TACC2: variants seen among roughly 807,000 people sequenced by gnomAD.
TACC2 encodes transforming acidic coiled-coil containing protein 2.
A neutral mutation model predicts 227.3 loss-of-function variants in TACC2; 137 were observed. The ratio of observed to expected loss-of-function variants is 0.60; its 90% CI spans 0.52 to 0.69. The LOEUF (loss-of-function observed/expected upper bound fraction) is 0.69, where lower values mean the gene tolerates loss of function less well. Among genes scored for constraint, TACC2 ranks in the 30% least tolerant of loss-of-function variants. The probability of loss-of-function intolerance (pLI) is 0.00; values close to 1 mark genes in which losing one functional copy is unlikely to be tolerated. For synonymous variants in TACC2, 1,523 were observed against 1,487.5 expected (o/e 1.02, Z -0.55); for missense variants, 3,470 against 3,694.4 (o/e 0.94, Z 1.57).
At position 122,022,017 on chromosome 10, in the gene TACC2, G is replaced by C. The variant is rs775273221; in HGVS notation, c.33+3G>C. On this transcript the variant is annotated splice_donor_region_variant and intron_variant, in intron 2 of 22. Coordinates refer to ENST00000369005, the MANE Select transcript of TACC2 (RefSeq NM_206862.4). ...AGAACAGCACCTCGGACAACCAGGT[G>C]GGTGTCAGGAAGCTTCTCTCTCGAG... 5.0e-6 allele frequency: 8 copies of C among 1,614,016 alleles called. No individual in the cohort carries two copies. The highest frequency in any genetic ancestry group is 6.8e-6 in the Non-Finnish European group (8 of 1,180,018).
At chr10:122,218,494 G>A (rs993904999) in intron 11 of TACC2, among the ~76,000 whole-genome samples, 27 of 152,264 alleles carry the variant, frequency 1.8e-4, no homozygotes, top group African/African-American at 6.3e-4. Flanking sequence ...TGCCCACGAG[G>A]TCTTGGAATG....
chr10:122,090,716 A>C lies in TACC2; in HGVS notation c.5573+2125A>C, dbSNP rs7079210. On this transcript the variant is annotated intron_variant, in intron 5 of 22. Coordinates refer to ENST00000369005, the MANE Select transcript of TACC2 (RefSeq NM_206862.4). ...GTTTTTAGTGCTGTCAAAACTCTTT[A>C]AAAACAAATCCTTAAAAAATTATTT... Among the ~76,000 whole-genome samples, 648 of 152,212 alleles carry C rather than the reference A, an allele frequency of 4.3e-3. 2 individuals are homozygous for C. Among genetic ancestry groups the C allele is most frequent in the African/African-American group, 0.014 (567 of 41,538 alleles).
chr10:121,989,602 C>G (rs1952947652), intron 1 of TACC2, 114 bp downstream of exon 1: 1 of 152,186 alleles, frequency 6.6e-6, no homozygotes, highest in Non-Finnish European at 1.5e-5. Flanking sequence ...AGCACCATCA[C>G]TCAAGGTGAG....
At chr10:122,014,768 T>TAGA (rs2135404802) in intron 1 of TACC2, among the ~76,000 whole-genome samples, 1 of 152,192 alleles carries the variant, frequency 6.6e-6, no homozygotes, top group Non-Finnish European at 1.5e-5. Flanking sequence ...TGGTTCTGCC[T>TAGA]ACCCATTTCT....
At chr10:122,118,030 T>A (rs1226881905) in intron 5 of TACC2, among the ~76,000 whole-genome samples, 2 of 151,266 alleles carry the variant, frequency 1.3e-5, no homozygotes, top group South Asian at 4.2e-4. Flanking sequence ...TTTTTTTTTT[T>A]TGAGATGGAG....
At chr10:122,077,273 A>G (rs2078927921) in intron 3 of TACC2, among the ~76,000 whole-genome samples, 2 of 152,122 alleles carry the variant, frequency 1.3e-5, no homozygotes, top group South Asian at 4.2e-4. Context: ...TTCATATATC[A>G]ACAACATTTT....
intron 5 of TACC2, among the ~76,000 whole-genome samples, chr10:122,112,476 G>A (rs2083775868): frequency 6.6e-6 from 1 of 152,194 alleles, no homozygotes; most frequent in African/African-American, 2.4e-5. Context: ...CACAGCCCGC[G>A]CTGTTTCTGT....
At chr10:122,102,614 T>G (rs1321416333) in intron 5 of TACC2, among the ~76,000 whole-genome samples, 1 of 152,354 alleles carries the variant, frequency 6.6e-6, no homozygotes, top group Admixed American at 6.5e-5. Context: ...AGTCGAAGGC[T>G]TATTTTAAAT....
chr10:122,149,823 G>T (rs1481334969), intron 7 of TACC2, among the ~76,000 whole-genome samples: 1 of 152,222 alleles, frequency 6.6e-6, no homozygotes, highest in African/African-American at 2.4e-5. Flanking sequence ...GGGCTCTCGT[G>T]GCATCATTCC....
intron 3 of TACC2, among the ~76,000 whole-genome samples, chr10:122,070,989 G>T (rs1478425655): frequency 6.6e-6 from 1 of 151,834 alleles, no homozygotes. Context: ...TATCCTCATG[G>T]TGTCAAAATA....
rs765335838 is a variant in TACC2, at chr10:122,211,348, C to A, written c.6923C>A (p.Pro2308His). ...AGGAGGCCAAAGATGAAAAAGACAC[C>A]CGAGAAACTTGACAACACTCCTGCC... ...PLRRPKMKKT[P>H]EKLDNTPASP... is the part of the protein sequence containing the mutation. The change falls in exon 9 of 23, where the codon CCC becomes CAC. Residue 2308 changes from proline (P) to histidine (H), a missense_variant. By Grantham distance (77) the Pro-to-His change is moderately conservative. This residue lies in a region of TACC2 where 593 missense variants were observed against 636.6 expected (regional missense o/e 0.93). Coordinates refer to ENST00000369005, the MANE Select transcript of TACC2 (RefSeq NM_206862.4). 1.2e-6 allele frequency: 2 copies of A among 1,613,752 alleles called. No individual in the cohort carries two copies. Among genetic ancestry groups the A allele is most frequent in the Non-Finnish European group, 1.7e-6 (2 of 1,179,972 alleles).
At chr10:122,044,971 T>C (rs1425720720) in intron 2 of TACC2, among the ~76,000 whole-genome samples, 1 of 152,122 alleles carries the variant, frequency 6.6e-6, no homozygotes, top group Non-Finnish European at 1.5e-5. Context: ...TGTTTTGCAG[T>C]GACGCCTGCT....
chr10:122,083,254 G>GC lies in TACC2; in HGVS notation c.758dup (p.Ala254CysfsTer50), dbSNP rs778835852. 15 of 1,613,454 alleles carry GC rather than the reference G, an allele frequency of 9.3e-6. No individual in the cohort carries two copies. The Admixed American group carries it at 2.0e-4, about 22-fold the overall frequency. On this transcript the variant is annotated frameshift_variant, in exon 4 of 23. Transcript: ENST00000369005. LOFTEE classifies it high-confidence loss of function. Reference sequence around the variant, plus strand: ...GGCTTCTGTGCAAGTGACCCCTGAGGCCCCTGCTGCAGCCCAGCAGGGCAC... The same window carrying GC: ...GGCTTCTGTGCAAGTGACCCCTGAGGCCCCCTGCTGCAGCCCAGCAGGGCAC...
chr10:122,215,068 T>G (rs1194319243), intron 9 of TACC2, among the ~76,000 whole-genome samples: 3 of 152,274 alleles, frequency 2.0e-5, no homozygotes, highest in East Asian at 3.9e-4. Flanking sequence ...TCCAGATAAA[T>G]TAATCTGCTC....
intron 3 of TACC2, among the ~76,000 whole-genome samples, chr10:122,065,908 A>AT (rs2077325977): frequency 6.6e-6 from 1 of 151,866 alleles, no homozygotes; most frequent in South Asian, 2.1e-4. Context: ...TGCCTGTAAT[A>AT]TTTTTTGCTG....
intron 1 of TACC2, among the ~76,000 whole-genome samples, chr10:122,007,819 G>T (rs1041130272): frequency 6.6e-6 from 1 of 152,104 alleles, no homozygotes; most frequent in Non-Finnish European, 1.5e-5. Flanking sequence ...ATTGAAAGGT[G>T]GGGCCTTTAA....
intron 5 of TACC2, among the ~76,000 whole-genome samples, chr10:122,091,113 T>C (rs1415774752): frequency 1.3e-5 from 2 of 152,182 alleles, no homozygotes; most frequent in Admixed American, 1.3e-4. Context: ...TAGGTTCTGA[T>C]GGTGTTCCTA....
chr10:122,242,042 G>A lies in TACC2; in HGVS notation c.8392+41G>A, dbSNP rs1390695553. 1.9e-6 allele frequency: 3 copies of A among 1,591,884 alleles called. No homozygotes were observed. In the Admixed American group the frequency reaches 5.0e-5, roughly 27 times the overall value. On this transcript the variant is annotated intron_variant, in intron 19 of 22. Transcript: ENST00000369005. ...TGCGGGGGCTCAGGCCGGCCCCGATGTTTCTGAACTATGAGGAGGCCTTGG... is the reference window on the plus strand; with the variant it reads ...TGCGGGGGCTCAGGCCGGCCCCGATATTTCTGAACTATGAGGAGGCCTTGG...
Position 122,226,435 on chromosome 10 carries a change from A to G in TACC2, c.7678A>G (p.Lys2560Glu). Residue 2560 changes from lysine (K) to glutamate (E), a missense_variant, in exon 13 of 23, where the codon AAG becomes GAG. Around this residue, in one of 10 missense-constraint regions of TACC2, gnomAD observed 345 missense variants for 354.4 expected, o/e 0.97. Transcript: ENST00000369005. Reference protein sequence around the residue: ...MFDTSQESPVKSSPVRMSESP... With the variant: ...MFDTSQESPVESSPVRMSESP... Reference sequence around the variant, plus strand: ...TGACACTTCTCAGGAGAGCCCTGTCAAGTCATCTCCCGTCCGCATGTCAGA... The same window carrying G: ...TGACACTTCTCAGGAGAGCCCTGTCGAGTCATCTCCCGTCCGCATGTCAGA... The G allele has an allele frequency of 1.2e-6, 2 of 1,614,070 alleles. No homozygotes were observed. Among genetic ancestry groups the G allele is most frequent in the Non-Finnish European group, 1.7e-6 (2 of 1,180,016 alleles).
Sources: allele counts gnomAD v4.1 joint callset (sites outside exome capture counted in the v4.1 genomes callset), GRCh38; gene constraint gnomAD v4.1.1; regional missense constraint gnomAD v4.1.1; transcripts MANE v1.5; gene names NCBI Gene and HGNC (gene_info 2026-07-23, HGNC 2026-07-21).